Variants in CHST11 observed in about 807,000 individuals in gnomAD.
The protein encoded by CHST11 is carbohydrate sulfotransferase 11.
Under a neutral mutation model 30.4 loss-of-function variants are expected in CHST11, and 9 were observed. The observed-to-expected ratio is 0.30, with a 90% CI of 0.18 to 0.52. The LOEUF is 0.52. CHST11 is among the 20% of genes least tolerant of loss of function. CHST11 has a pLI of 0.97. For synonymous variants in CHST11, 152 were observed against 187.8 expected (o/e 0.81, Z 1.56); for missense variants, 348 against 460.6 (o/e 0.76, Z 2.24).
At chr12:104,480,255 G>A (rs1033872102) in intron 1 of CHST11, among the ~76,000 whole-genome samples, 1 of 152,072 alleles carries the variant, frequency 6.6e-6, no homozygotes, top group Non-Finnish European at 1.5e-5. Flanking sequence ...ACTTGACTTG[G>A]AAATAGGGGC....
At chr12:104,610,043 C>CTGTGTGTGTG (rs56983056) in intron 2 of CHST11, among the ~76,000 whole-genome samples, 38 of 143,186 alleles carry the variant, frequency 2.7e-4, no homozygotes, top group African/African-American at 6.5e-4. Context: ...ATGAGTGCCT[C>CTGTGTGTGTG]TGTGTGTGTG....
In CHST11 at chr12:104,696,337, A is replaced by G. The variant is rs1050318345; in HGVS notation, c.205-60612A>G. 8.5e-5 allele frequency among the ~76,000 whole-genome samples: 13 copies of G among 152,070 alleles called. No homozygotes were observed. In the East Asian group the frequency reaches 2.1e-3, roughly 25 times the overall value. On this transcript the variant is annotated intron_variant, in intron 2 of 2. Transcript: ENST00000303694. Reference sequence around the variant, plus strand: ...GATCTTTTATAGATCTGCCTATATAATAGAAATAAACCATCAGGGTCAGGC... The same window carrying G: ...GATCTTTTATAGATCTGCCTATATAGTAGAAATAAACCATCAGGGTCAGGC...
chr12:104,651,358 C>T (rs892639123), intron 2 of CHST11, among the ~76,000 whole-genome samples: 2 of 152,202 alleles, frequency 1.3e-5, no homozygotes, highest in Non-Finnish European at 2.9e-5. Flanking sequence ...TGCTTGGATG[C>T]ATATAATGTA....
intron 2 of CHST11, among the ~76,000 whole-genome samples, chr12:104,711,386 T>G (rs947985767): frequency 6.6e-6 from 1 of 152,226 alleles, no homozygotes; most frequent in East Asian, 1.9e-4. Context: ...AAAGCTGACG[T>G]TTCAGCGTCA....
At chr12:104,672,645 G>A (rs535668895) in intron 2 of CHST11, among the ~76,000 whole-genome samples, 10 of 152,166 alleles carry the variant, frequency 6.6e-5, no homozygotes, top group Non-Finnish European at 1.5e-4. Context: ...TCCCAATGGG[G>A]CAAGATTACT....
chr12:104,557,081 TTGA>T (rs1427807249), intron 1 of CHST11, among the ~76,000 whole-genome samples: 1 of 152,208 alleles, frequency 6.6e-6, no homozygotes, highest in African/African-American at 2.4e-5. Context: ...TTATCTTAAC[TTGA>T]TGACATTTGC....
chr12:104,716,157 C>T (rs1354478964), intron 2 of CHST11, among the ~76,000 whole-genome samples: 1 of 152,226 alleles, frequency 6.6e-6, no homozygotes, highest in Non-Finnish European at 1.5e-5. Context: ...TGAATATCAG[C>T]CCCAGAGCCA....
At chr12:104,473,926 A>G (rs1041364399) in intron 1 of CHST11, among the ~76,000 whole-genome samples, 1 of 151,800 alleles carries the variant, frequency 6.6e-6, no homozygotes, top group Non-Finnish European at 1.5e-5. Context: ...CACCACCACC[A>G]CCACCACCAC....
chr12:104,582,351 C>T (rs2136032483), intron 1 of CHST11, among the ~76,000 whole-genome samples: 1 of 152,246 alleles, frequency 6.6e-6, no homozygotes, highest in East Asian at 1.9e-4. Flanking sequence ...GTGCTCTGCT[C>T]CTGAGCAATG....
At position 104,757,752 on chromosome 12, in the gene CHST11, C is replaced by T. The variant is rs766260898; in HGVS notation, c.1008C>T (p.Leu336=). 24 of 1,613,886 alleles carry T rather than the reference C, an allele frequency of 1.5e-5. No homozygotes were observed. Among genetic ancestry groups the T allele is most frequent in the Non-Finnish European group, 1.9e-5 (22 of 1,180,038 alleles). ...CGCAGCTGTACGAAGTCTACAAACT[C>T]GATTTTTTAATGTTCAATTACTCAG... ...HQTQLYEVYK[L]DFLMFNYSVP... is the part of the protein sequence containing the mutation. The change falls in exon 3 of 3, where the codon CTC becomes CTT. Residue 336 remains leucine (L), a synonymous_variant. Coordinates refer to ENST00000303694, the MANE Select transcript of CHST11 (RefSeq NM_018413.6). The surrounding 1 kb of genome is among the most constrained non-coding windows in gnomAD (Gnocchi z 6.5).
At chr12:104,516,645 T>C (rs2038025350) in intron 1 of CHST11, among the ~76,000 whole-genome samples, 1 of 152,042 alleles carries the variant, frequency 6.6e-6, no homozygotes, top group African/African-American at 2.4e-5. Context: ...ATAGTGTTCC[T>C]CTGAGGCTCC....
intron 1 of CHST11, among the ~76,000 whole-genome samples, chr12:104,543,798 T>C (rs1002437039): frequency 1.3e-5 from 2 of 152,106 alleles, no homozygotes; most frequent in Non-Finnish European, 1.5e-5. Context: ...GAGCTGATTA[T>C]TATATTTTTC....
chr12:104,709,236 T>G (rs2040063520), intron 2 of CHST11, among the ~76,000 whole-genome samples: 1 of 152,176 alleles, frequency 6.6e-6, no homozygotes. Context: ...ACGAGCCCCC[T>G]GCACCCACAG....
chr12:104,709,314 G>T (rs1039466016), intron 2 of CHST11, among the ~76,000 whole-genome samples: 2 of 152,196 alleles, frequency 1.3e-5, no homozygotes, highest in African/African-American at 4.8e-5. Context: ...CTGTCATCAG[G>T]TAGCAAGTAC....
chr12:104,725,483 A>G (rs1433072145), intron 2 of CHST11, among the ~76,000 whole-genome samples: 6 of 151,982 alleles, frequency 3.9e-5, no homozygotes, highest in Non-Finnish European at 7.4e-5. Flanking sequence ...TTCAAATTCA[A>G]AAGTGTACAT....
intron 2 of CHST11, among the ~76,000 whole-genome samples, chr12:104,718,152 C>G (rs2040146307): frequency 6.6e-6 from 1 of 152,146 alleles, no homozygotes. Context: ...TGCCCATTCC[C>G]TCACTAAATT....
intron 2 of CHST11, among the ~76,000 whole-genome samples, chr12:104,682,745 C>A (rs750091857): frequency 6.6e-6 from 1 of 152,230 alleles, no homozygotes; most frequent in Non-Finnish European, 1.5e-5. Context: ...TGTGAAGCCA[C>A]CTCATTGGGA....
intron 1 of CHST11, among the ~76,000 whole-genome samples, chr12:104,466,460 C>G (rs979158142): frequency 2.0e-5 from 3 of 152,180 alleles, no homozygotes; most frequent in African/African-American, 7.2e-5. Context: ...TGCAAAAAAC[C>G]CTCGTGACCC....
chr12:104,598,557 T>A (rs1004367148), intron 1 of CHST11, among the ~76,000 whole-genome samples: 1 of 152,146 alleles, frequency 6.6e-6, no homozygotes, highest in African/African-American at 2.4e-5. Flanking sequence ...TTAACTTCCA[T>A]CTCCCCCTCC....
Sources: allele counts gnomAD v4.1 joint callset (sites outside exome capture counted in the v4.1 genomes callset), GRCh38; gene constraint gnomAD v4.1.1; non-coding constraint Gnocchi (gnomAD v3.1); transcripts MANE v1.5; gene names NCBI Gene and HGNC (gene_info 2026-07-23, HGNC 2026-07-21).